The following GRAMD1B variants were observed in gnomAD, a reference collection of about 807,000 sequenced individuals.
GRAMD1B encodes GRAM domain containing 1B.
In GRAMD1B, 37 loss-of-function variants were observed where a neutral mutation model predicts 99.7. The ratio of observed to expected loss-of-function variants is 0.37; its 90% CI spans 0.29 to 0.49. The LOEUF (loss-of-function observed/expected upper bound fraction) is 0.49, where lower values mean the gene tolerates loss of function less well. Among genes scored for constraint, GRAMD1B ranks in the 20% least tolerant of loss-of-function variants. The pLI is 0.98. For synonymous variants in GRAMD1B, 427 were observed against 387.6 expected, an observed-to-expected ratio of 1.10 and a Z score of -1.19; for missense variants, 888 against 1,009.2, an observed-to-expected ratio of 0.88 and a Z score of 1.63.
At chr11:123,419,387 T>G (rs996675757) in intron 1 of GRAMD1B, among the ~76,000 whole-genome samples, 1 of 152,174 alleles carries the variant, frequency 6.6e-6, no homozygotes, top group African/African-American at 2.4e-5. Flanking sequence ...GCCAGCACTT[T>G]GGGAGGCCAA....
chr11:123,377,365 A>G lies in GRAMD1B; in HGVS notation c.-176+18566A>G, dbSNP rs117402449. Among the ~76,000 whole-genome samples the G allele has an allele frequency of 6.4e-4, 97 of 152,310 alleles. No individual in the cohort carries two copies. In the East Asian group the frequency reaches 0.013, roughly 21 times the overall value. On this transcript the variant is annotated intron_variant, in intron 1 of 20. Coordinates refer to the GRAMD1B transcript ENST00000638157. ...AATGATCATTCTCATGTTTGATGAG[A>G]TGTTCTGGGTGGATAAAGCATCAGA...
At chr11:123,388,175 G>A (rs1947142018) in intron 1 of GRAMD1B, among the ~76,000 whole-genome samples, 1 of 151,434 alleles carries the variant, frequency 6.6e-6, no homozygotes, top group South Asian at 2.1e-4. Context: ...ATGGAAAGGG[G>A]GAAAAATAGT....
At chr11:123,523,928 G>C (rs77502336) in intron 2 of GRAMD1B, among the ~76,000 whole-genome samples, 42,543 of 152,190 alleles carry the variant, frequency 0.28, 6,486 homozygotes, top group East Asian at 0.43. Context: ...CTGGCATGGG[G>C]CTATGGATAG....
intron 2 of GRAMD1B, among the ~76,000 whole-genome samples, chr11:123,483,443 GT>G (rs765794813): frequency 5.4e-5 from 8 of 146,790 alleles, no homozygotes; most frequent in Non-Finnish European, 1.2e-4. Flanking sequence ...CTGAAGTGCA[GT>G]GGCGTGATCT....
intron 2 of GRAMD1B, among the ~76,000 whole-genome samples, chr11:123,518,380 A>C (rs945737010): frequency 6.6e-6 from 1 of 152,122 alleles, no homozygotes; most frequent in African/African-American, 2.4e-5. Context: ...TCTCCTCATC[A>C]AGACAAAGTC....
intron 1 of GRAMD1B, among the ~76,000 whole-genome samples, chr11:123,439,073 G>T (rs1229672093): frequency 2.0e-5 from 3 of 152,180 alleles, no homozygotes; most frequent in African/African-American, 7.2e-5. Context: ...TGTGTGACTT[G>T]CCAAGGGGCT....
intron 1 of GRAMD1B, among the ~76,000 whole-genome samples, chr11:123,479,619 A>G (rs1402028646): frequency 6.6e-6 from 1 of 152,178 alleles, no homozygotes; most frequent in Non-Finnish European, 1.5e-5. Flanking sequence ...AATAGAACCT[A>G]TGTAAAACAG....
intron 2 of GRAMD1B, among the ~76,000 whole-genome samples, chr11:123,567,810 T>C (rs889351401): frequency 6.6e-6 from 1 of 152,216 alleles, no homozygotes; most frequent in African/African-American, 2.4e-5. Context: ...TTTGCCCAGG[T>C]CCAGCTCTTC....
intron 2 of GRAMD1B, among the ~76,000 whole-genome samples, chr11:123,527,761 G>A (rs562710576): frequency 1.3e-5 from 2 of 152,220 alleles, no homozygotes; most frequent in Middle Eastern, 3.4e-3. Context: ...GCATCCTTCC[G>A]CGCCCCTGCT....
intron 1 of GRAMD1B, among the ~76,000 whole-genome samples, chr11:123,438,122 C>T (rs10790577): frequency 0.4 from 60,771 of 152,082 alleles, 12,845 homozygotes; most frequent in East Asian, 0.71. Context: ...GGGCAGGGAC[C>T]GGTCTTACTT....
At chr11:123,417,468 T>C (rs993040242) in intron 1 of GRAMD1B, among the ~76,000 whole-genome samples, 38 of 152,210 alleles carry the variant, frequency 2.5e-4, no homozygotes, top group African/African-American at 8.4e-4. Context: ...TCAAATCAGG[T>C]ACTAACTTAG....
intron 1 of GRAMD1B, among the ~76,000 whole-genome samples, chr11:123,361,037 C>A (rs182933050): frequency 6.6e-6 from 1 of 151,962 alleles, no homozygotes; most frequent in African/African-American, 2.4e-5. Context: ...AGGCTGGTCT[C>A]GAACTCCTGA....
intron 2 of GRAMD1B, among the ~76,000 whole-genome samples, chr11:123,489,909 G>A (rs930270753): frequency 9.2e-5 from 14 of 152,182 alleles, no homozygotes; most frequent in African/African-American, 3.1e-4. Context: ...AAGTGTGATG[G>A]CTGGCGCCTG....
At chr11:123,477,957 A>AT (rs1051066464) in intron 1 of GRAMD1B, among the ~76,000 whole-genome samples, 1 of 150,232 alleles carries the variant, frequency 6.7e-6, no homozygotes, top group African/African-American at 2.5e-5. Flanking sequence ...TTTATTTGTT[A>AT]TTTTTTATTT....
At chr11:123,417,027 C>G (rs547980149) in intron 1 of GRAMD1B, among the ~76,000 whole-genome samples, 1 of 152,268 alleles carries the variant, frequency 6.6e-6, no homozygotes, top group South Asian at 2.1e-4. Context: ...GACGAAGTAA[C>G]TATCAATGAA....
intron 1 of GRAMD1B, among the ~76,000 whole-genome samples, chr11:123,448,644 A>G (rs1342146238): frequency 6.6e-6 from 1 of 152,226 alleles, no homozygotes; most frequent in African/African-American, 2.4e-5. Flanking sequence ...CCACCTGACT[A>G]ATGGGCAGTT....
At chr11:123,507,365 T>C (rs750131067) in intron 2 of GRAMD1B, among the ~76,000 whole-genome samples, 21 of 152,170 alleles carry the variant, frequency 1.4e-4, no homozygotes, top group Non-Finnish European at 2.9e-4. Context: ...TTCAAGACCA[T>C]AGTCTAGGGC....
At chr11:123,531,391 G>A (rs1302883303) in intron 2 of GRAMD1B, among the ~76,000 whole-genome samples, 1 of 147,948 alleles carries the variant, frequency 6.8e-6, no homozygotes, top group East Asian at 2.1e-4. Context: ...GAAGTAAGCA[G>A]CAATAAACAT....
intron 1 of GRAMD1B, among the ~76,000 whole-genome samples, chr11:123,383,890 A>AGATG (rs1238425944): frequency 6.6e-6 from 1 of 151,320 alleles, no homozygotes; most frequent in Non-Finnish European, 1.5e-5. Context: ...ATTTCTTTTG[A>AGATG]GATGGAGTCT....
Sources: gnomAD v4.1 joint callset for allele counts (sites outside exome capture counted in the v4.1 genomes callset) on GRCh38, gnomAD v4.1.1 for gene constraint, MANE v1.5 for transcripts, NCBI Gene and HGNC (gene_info 2026-07-23, HGNC 2026-07-21) for gene names.